The following CARS2 variants were observed in gnomAD, a reference collection of about 807,000 sequenced individuals.
CARS2 encodes the protein probable cysteine--tRNA ligase, mitochondrial.
Under a neutral mutation model 68.8 loss-of-function variants are expected in CARS2, and 52 were observed. The observed-to-expected ratio is 0.76, with a 90% confidence interval of 0.61 to 0.95. The LOEUF is 0.95. Ranked by LOEUF, CARS2 falls within the 40% of genes least tolerant of loss-of-function variation. CARS2 has a pLI of 0.00. For synonymous variants in CARS2, 314 were observed against 303.6 expected, an observed-to-expected ratio of 1.03 and a Z score of -0.36; for missense variants, 780 against 754.2, an observed-to-expected ratio of 1.03 and a Z score of -0.40.
At chr13:110,671,174 A>T (rs565507552) in intron 7 of CARS2, among the ~76,000 whole-genome samples, 7 of 152,340 alleles carry the variant, frequency 4.6e-5, no homozygotes, top group Admixed American at 2.0e-4. Context: ...CCCCAACCTG[A>T]CAAGGCAGGC....
intron 7 of CARS2, among the ~76,000 whole-genome samples, chr13:110,671,269 C>T (rs1182207584): frequency 6.6e-6 from 1 of 152,082 alleles, no homozygotes; most frequent in Non-Finnish European, 1.5e-5. Context: ...TTGTCAGATT[C>T]ACCAAAGTTG....
At chr13:110,703,496 G>A (rs939699480) in intron 2 of CARS2, among the ~76,000 whole-genome samples, 2 of 152,180 alleles carry the variant, frequency 1.3e-5, no homozygotes, top group African/African-American at 4.8e-5. Context: ...GCATTCAGCT[G>A]CGCACTTAAG....
At chr13:110,651,298 T>G (rs1307196236) in intron 9 of CARS2, 198 bp from the exon 10 acceptor site, 2 of 547,574 alleles carry the variant, frequency 3.7e-6, no homozygotes, top group Non-Finnish European at 6.5e-6. Context: ...CCACGTTCGA[T>G]CTCAGTATTT....
At chr13:110,687,904 G>GCAATGT in intron 4 of CARS2, 43 bp downstream of exon 4, 1 of 1,567,162 alleles carries the variant, frequency 6.4e-7, no homozygotes, top group Non-Finnish European at 8.8e-7. Flanking sequence ...CATTGCTCAC[G>GCAATGT]CCTGTCACCC....
At position 110,668,725 on chromosome 13, in the gene CARS2, G is replaced by A. The variant is rs72661683; in HGVS notation, c.786-1252C>T. On this transcript the variant is annotated intron_variant, in intron 7 of 14. Transcript: ENST00000257347. The surrounding 1 kb of genome is among the most constrained non-coding windows in gnomAD (Gnocchi z 4.1). ...GAAGATCTGAAGCCAACACAACGAC[G>A]TGAAAGTTTCACAAGCTGAACTATG... Among the ~76,000 whole-genome samples, 20,479 of 152,022 alleles carry A rather than the reference G, an allele frequency of 0.13. 1,860 individuals carry two copies. Among genetic ancestry groups the A allele is most frequent in the Admixed American group, 0.27 (4,177 of 15,260 alleles).
upstream of CARS2, among the ~76,000 whole-genome samples, chr13:110,708,237 C>T (rs1037603790): frequency 2.6e-5 from 4 of 152,096 alleles, no homozygotes; most frequent in African/African-American, 9.7e-5. Flanking sequence ...TAATCCCTTA[C>T]GAAAGGGATT....
chr13:110,706,761 A>T (rs1327022085), upstream of CARS2, among the ~76,000 whole-genome samples: 2 of 148,724 alleles, frequency 1.3e-5, no homozygotes, highest in Non-Finnish European at 1.5e-5. Flanking sequence ...CACAGTATGC[A>T]CCCCAGCACA....
intron 7 of CARS2, among the ~76,000 whole-genome samples, chr13:110,673,211 A>C (rs1239322701): frequency 1.3e-5 from 2 of 152,168 alleles, no homozygotes; most frequent in South Asian, 2.1e-4. Flanking sequence ...CCCTCATTTT[A>C]AGAGGCCAGC....
At chr13:110,713,099 G>A in intron 1 of CARS2, 1 of 1,439,426 alleles carries the variant, frequency 6.9e-7, no homozygotes, top group African/African-American at 1.4e-5. Context: ...CGGAGGACTT[G>A]GGTTTCTAGT....
At chr13:110,662,274 C>G (rs1013570787) in intron 9 of CARS2, among the ~76,000 whole-genome samples, 2 of 118,928 alleles carry the variant, frequency 1.7e-5, no homozygotes, top group African/African-American at 6.8e-5. Context: ...AACCCCGTGG[C>G]CGGGCTCCGA....
At chr13:110,662,105 G>C (rs2062517748) in intron 9 of CARS2, among the ~76,000 whole-genome samples, 1 of 152,266 alleles carries the variant, frequency 6.6e-6, no homozygotes, top group Admixed American at 6.5e-5. Flanking sequence ...TAAAGACACA[G>C]CATCTGCGAA....
chr13:110,647,093 C>T lies in CARS2; in HGVS notation c.1193+8G>A, dbSNP rs370357923. 1 of 1,570,652 alleles carries T rather than the reference C, an allele frequency of 6.4e-7. No homozygotes were observed. Among genetic ancestry groups the T allele is most frequent in the Non-Finnish European group, 8.6e-7 (1 of 1,159,008 alleles). ...GGTGCCACGCCGGGTGCTAGGCGGG[C>T]CTCTTACCTCTCCCACAGCATCGCT... is the stretch of plus-strand genomic sequence containing the variant. On this transcript the variant is annotated splice_region_variant and intron_variant, in intron 11 of 14. Coordinates refer to ENST00000257347, the MANE Select transcript of CARS2 (RefSeq NM_024537.4).
At position 110,677,010 on chromosome 13, in the gene CARS2, C is replaced by T; in HGVS notation, c.749G>A (p.Arg250Lys). ...VFWASPWGPG[R>K]PGWHIECSAI... ...AGAGCACTCGATGTGCCAGCCCGGC[C>T]TCCCGGGTCCCCAGGGAGAGGCCCA... The change falls in exon 7 of 15, where the codon AGG (arginine) becomes AAG (lysine). Residue 250 changes from arginine (R) to lysine (K), a missense_variant. Coordinates refer to ENST00000257347, the MANE Select transcript of CARS2 (RefSeq NM_024537.4). 1 of 1,601,240 alleles carries T rather than the reference C, an allele frequency of 6.2e-7. No individual in the cohort carries two copies. Among genetic ancestry groups the T allele is most frequent in the East Asian group, 2.3e-5 (1 of 44,246 alleles).
At chr13:110,662,332 T>G (rs374615242) in intron 9 of CARS2, among the ~76,000 whole-genome samples, 1 of 125,082 alleles carries the variant, frequency 8.0e-6, no homozygotes, top group South Asian at 2.5e-4. Flanking sequence ...GACCCCCTTC[T>G]GCGTCATGCA....
intron 6 of CARS2, among the ~76,000 whole-genome samples, chr13:110,679,732 G>C (rs140563642): frequency 0.011 from 1,725 of 151,340 alleles, 23 homozygotes; most frequent in Admixed American, 0.037. Context: ...GGACTTCCAG[G>C]AGAAACAGCT....
At chr13:110,664,135 T>C in intron 8 of CARS2, 1 of 985,166 alleles carries the variant, frequency 1.0e-6, no homozygotes, top group Non-Finnish European at 1.2e-6. Flanking sequence ...TGTAGCTTTT[T>C]ACAAGGCTTA....
chr13:110,708,000 T>G (rs1223890714), upstream of CARS2, among the ~76,000 whole-genome samples: 51 of 152,214 alleles, frequency 3.4e-4, no homozygotes, highest in Non-Finnish European at 5.4e-4. Flanking sequence ...TACTCTAAAT[T>G]CTCCTGAATA....
chr13:110,642,376 G>A lies in CARS2; in HGVS notation c.1562C>T (p.Pro521Leu). Reference sequence around the variant, plus strand: ...CAGGGTGTCGCATGCTTCCAGCAGGGGCTGCCTTTCTAGGAGCTGCTGCCG... The same window carrying A: ...CAGGGTGTCGCATGCTTCCAGCAGGAGCTGCCTTTCTAGGAGCTGCTGCCG... The part of the protein sequence containing the change: ...ARRQQLLERQ[P>L]LLEACDTLRR... Residue 521 changes from proline to leucine, a missense_variant, in exon 14 of 15, where the codon CCC becomes CTC. By Grantham distance (98) the Pro-to-Leu change is moderately conservative (BLOSUM62 -3). Coordinates refer to ENST00000257347, the MANE Select transcript of CARS2 (RefSeq NM_024537.4). 6.4e-7 allele frequency: 1 copy of A among 1,561,288 alleles called. No individual in the cohort carries two copies. Among genetic ancestry groups the A allele is most frequent in the Non-Finnish European group, 8.7e-7 (1 of 1,152,408 alleles).
chr13:110,689,090 G>C (rs759882851), intron 3 of CARS2, among the ~76,000 whole-genome samples: 37 of 152,306 alleles, frequency 2.4e-4, no homozygotes, highest in Middle Eastern at 3.4e-3. Context: ...TTGGGGGCAC[G>C]CATCTGCAGC....
Sources: gnomAD v4.1 joint callset for allele counts (sites outside exome capture counted in the v4.1 genomes callset) on GRCh38, gnomAD v4.1.1 for gene constraint, Gnocchi (gnomAD v3.1) non-coding constraint, MANE v1.5 for transcripts, NCBI Gene and HGNC (gene_info 2026-07-23, HGNC 2026-07-21) for gene names.